The following DGKI variants were observed in gnomAD, a reference collection of about 807,000 sequenced individuals.
DGKI encodes diacylglycerol kinase iota.
Under a neutral mutation model 147.5 loss-of-function variants are expected in DGKI, and 55 were observed. The observed-to-expected ratio is 0.37, with a 90% CI of 0.30 to 0.47. DGKI has a LOEUF of 0.47. DGKI is among the 20% of genes least tolerant of loss of function. The pLI is 1.00. For synonymous variants in DGKI, 469 were observed against 477.1 expected (o/e 0.98, Z 0.22); for missense variants, 1,007 against 1,323.8 (o/e 0.76, Z 3.71).
At chr7:137,430,219 C>T (rs548356187) in intron 28 of DGKI, among the ~76,000 whole-genome samples, 78 of 151,154 alleles carry the variant, frequency 5.2e-4, no homozygotes, top group African/African-American at 1.8e-3. Flanking sequence ...GAATACTATG[C>T]AGCCATAAAA....
intron 29 of DGKI, 150 bp downstream of exon 29, chr7:137,412,020 A>T (rs1410965632): frequency 4.1e-6 from 3 of 735,384 alleles, no homozygotes; most frequent in Non-Finnish European, 7.1e-6. Flanking sequence ...ATCTCTGCTC[A>T]GTTCTCAAAA....
intron 28 of DGKI, among the ~76,000 whole-genome samples, chr7:137,430,962 C>CA (rs1231262798): frequency 6.6e-6 from 1 of 152,060 alleles, no homozygotes; most frequent in Non-Finnish European, 1.5e-5. Flanking sequence ...ATAACATCAA[C>CA]AAAAAATCAC....
chr7:137,512,669 A>G (rs1369106461), intron 21 of DGKI, among the ~76,000 whole-genome samples: 1 of 152,224 alleles, frequency 6.6e-6, no homozygotes, highest in Non-Finnish European at 1.5e-5. Flanking sequence ...TCTCATTGCC[A>G]AAGGCTAAGT....
At chr7:137,724,347 A>C (rs1324040215) in intron 1 of DGKI, among the ~76,000 whole-genome samples, 1 of 152,206 alleles carries the variant, frequency 6.6e-6, no homozygotes, top group African/African-American at 2.4e-5. Context: ...TGATATGAAC[A>C]TCTTTATGTT....
intron 1 of DGKI, among the ~76,000 whole-genome samples, chr7:137,792,009 G>C (rs1162683942): frequency 6.6e-6 from 1 of 152,164 alleles, no homozygotes; most frequent in Non-Finnish European, 1.5e-5. Context: ...CTATTGAAAA[G>C]GACTGAATTA....
intron 5 of DGKI, among the ~76,000 whole-genome samples, chr7:137,652,226 T>G (rs1182114675): frequency 6.6e-6 from 1 of 152,156 alleles, no homozygotes. Flanking sequence ...TTCAAGTCCT[T>G]GATAAGAAGA....
chr7:137,454,613 A>G (rs1054234707), intron 27 of DGKI: 1 of 152,224 alleles, frequency 6.6e-6, no homozygotes, highest in Non-Finnish European at 1.5e-5. Context: ...TAAACCCAGC[A>G]CAGTTGTGAA....
intron 7 of DGKI, 137 bp downstream of exon 7, chr7:137,623,346 C>A: frequency 1.3e-6 from 1 of 774,616 alleles, no homozygotes. Flanking sequence ...GTCTTTCTTC[C>A]TCCAAGGATC....
chr7:137,836,126 A>C (rs1241933164), intron 1 of DGKI, among the ~76,000 whole-genome samples: 1 of 152,226 alleles, frequency 6.6e-6, no homozygotes, highest in East Asian at 1.9e-4. Flanking sequence ...AAATCTCCAG[A>C]AATTTGTCTT....
chr7:137,484,474 CT>C lies in DGKI; in HGVS notation c.2373+899del, dbSNP rs60138371. 3.9e-3 allele frequency among the ~76,000 whole-genome samples: 594 copies of C among 152,158 alleles called. 7 individuals carry two copies. The highest frequency in any genetic ancestry group is 0.014 in the African/African-American group (569 of 41,522). ...TTATTTGGAGAGAATTGTTGGCATG[CT>C]GTGATTCCCACATACCTTTCCTCTT... On this transcript the variant is annotated intron_variant, in intron 23 of 32. Coordinates refer to ENST00000614521, the MANE Select transcript of DGKI (RefSeq NM_001321708.2).
At chr7:137,756,545 T>C (rs892409611) in intron 1 of DGKI, among the ~76,000 whole-genome samples, 2 of 152,196 alleles carry the variant, frequency 1.3e-5, no homozygotes, top group South Asian at 2.1e-4. Flanking sequence ...TAAAAAGGAA[T>C]TGAACTCCTC....
chr7:137,613,205 T>A (rs1326522902), intron 8 of DGKI, among the ~76,000 whole-genome samples: 1 of 152,086 alleles, frequency 6.6e-6, no homozygotes, highest in Non-Finnish European at 1.5e-5. Flanking sequence ...TGTTCGCTCT[T>A]CTTTGTCATC....
chr7:137,408,581 C>T (rs2128899317), intron 29 of DGKI, among the ~76,000 whole-genome samples: 1 of 152,300 alleles, frequency 6.6e-6, no homozygotes, highest in Middle Eastern at 3.4e-3. Context: ...CCTTCTTCAT[C>T]CAGATATGCA....
intron 19 of DGKI, among the ~76,000 whole-genome samples, chr7:137,563,987 A>C (rs1043950613): frequency 3.9e-5 from 6 of 152,282 alleles, no homozygotes; most frequent in African/African-American, 1.4e-4. Context: ...CACTGTTAGA[A>C]CAATAAAGTG....
chr7:137,587,304 A>G, intron 12 of DGKI, 94 bp from the exon 13 acceptor site: 1 of 892,338 alleles, frequency 1.1e-6, no homozygotes, highest in Non-Finnish European at 1.6e-6. Context: ...AGAGCTAAAC[A>G]GAATGGTTTT....
Position 137,391,296 on chromosome 7 carries a change from G to A in DGKI, c.3098C>T (p.Pro1033Leu), listed in dbSNP as rs1236749797. 6.2e-7 allele frequency: 1 copy of A among 1,613,038 alleles called. No individual in the cohort carries two copies. The highest frequency in any genetic ancestry group is 8.5e-7 in the Non-Finnish European group (1 of 1,179,634). ...GCTTTCTAGGTAAGCAGCCAAGTCTGGGTCCCCAGCCTGCTGTGCTCTTTC... is the reference window on the plus strand; with the variant it reads ...GCTTTCTAGGTAAGCAGCCAAGTCTAGGTCCCCAGCCTGCTGTGCTCTTTC... ...PQERAQQAGDPDLAAYLESRQ... is the reference protein window; with the variant it reads ...PQERAQQAGDLDLAAYLESRQ... The change falls in exon 33 of 33, where the codon CCA becomes CTA. Residue 1033 changes from proline to leucine, a missense_variant. Physicochemically the swap from Pro to Leu is moderately conservative, Grantham distance 98 (BLOSUM62 -3). This residue lies in a region of DGKI where 385 missense variants were observed against 445.2 expected (regional missense o/e 0.86). Coordinates refer to ENST00000614521, the MANE Select transcript of DGKI (RefSeq NM_001321708.2).
chr7:137,425,976 C>A (rs1379181711), intron 28 of DGKI, among the ~76,000 whole-genome samples: 4 of 152,198 alleles, frequency 2.6e-5, no homozygotes. Flanking sequence ...AAACACTCTG[C>A]AGGATATTAT....
At chr7:137,771,380 C>A (rs1211492842) in intron 1 of DGKI, among the ~76,000 whole-genome samples, 2 of 152,172 alleles carry the variant, frequency 1.3e-5, no homozygotes, top group Non-Finnish European at 1.5e-5. Flanking sequence ...TGTGAGCCAC[C>A]GTGCCAGGCC....
intron 21 of DGKI, among the ~76,000 whole-genome samples, chr7:137,503,259 T>C (rs759275927): frequency 2.6e-5 from 4 of 152,112 alleles, no homozygotes; most frequent in Admixed American, 2.6e-4. Context: ...AACTATACAA[T>C]TGTGAGCAGA....
Sources: allele counts gnomAD v4.1 joint callset (sites outside exome capture counted in the v4.1 genomes callset), GRCh38; gene constraint gnomAD v4.1.1; regional missense constraint gnomAD v4.1.1; transcripts MANE v1.5; gene names NCBI Gene and HGNC (gene_info 2026-07-23, HGNC 2026-07-21).